The following ARID1B variants were observed in gnomAD, a reference collection of about 807,000 sequenced individuals.
ARID1B encodes the protein AT-rich interactive domain-containing protein 1B.
Under a neutral mutation model 212.3 loss-of-function variants are expected in ARID1B, and 30 were observed. That is an observed-to-expected ratio of 0.14 (90% confidence interval 0.11 to 0.19). The LOEUF (loss-of-function observed/expected upper bound fraction) is 0.19. ARID1B is among the 10% of genes least tolerant of loss of function. The probability of loss-of-function intolerance (pLI) is 1.00; values close to 1 mark genes in which losing one functional copy is unlikely to be tolerated. For missense variants in ARID1B, 2,891 were observed against 3,204.0 expected (o/e 0.90, Z 2.36); for synonymous variants, 1,402 against 1,301.7 (o/e 1.08, Z -1.66).
intron 4 of ARID1B, among the ~76,000 whole-genome samples, chr6:156,992,517 C>T (rs17087986): frequency 0.015 from 2,246 of 152,274 alleles, 58 homozygotes; most frequent in African/African-American, 0.048. Context: ...TGAGCATCTT[C>T]GTGAGTTTTC....
At chr6:156,919,454 T>C (rs1790609302) in intron 3 of ARID1B, among the ~76,000 whole-genome samples, 1 of 152,110 alleles carries the variant, frequency 6.6e-6, no homozygotes, top group African/African-American at 2.4e-5. Context: ...ATATTTTCAA[T>C]ACTAATTTTA....
intron 2 of ARID1B, among the ~76,000 whole-genome samples, chr6:156,889,508 C>T (rs1390184796): frequency 1.3e-5 from 2 of 152,310 alleles, no homozygotes; most frequent in Admixed American, 1.3e-4. Context: ...TGAATGCCTG[C>T]ATTTTATGAA....
intron 2 of ARID1B, among the ~76,000 whole-genome samples, chr6:156,838,803 AAG>A (rs1032922159): frequency 6.6e-6 from 1 of 152,058 alleles, no homozygotes; most frequent in African/African-American, 2.4e-5. Flanking sequence ...ATTGTTTCCA[AAG>A]AGAACTGGGA....
intron 4 of ARID1B, among the ~76,000 whole-genome samples, chr6:157,054,422 T>C (rs1010646460): frequency 1.3e-5 from 2 of 152,226 alleles, no homozygotes; most frequent in Non-Finnish European, 2.9e-5. Context: ...GAGTTATAGT[T>C]TTTTGAAATA....
rs555589313 is a variant in ARID1B at position 156,941,831 on chromosome 6, T to C, written c.2247+6255T>C. On this transcript the variant is annotated intron_variant, in intron 4 of 19. Transcript: ENST00000636930. ...GGCTAAATATAATGGAAAGTCTGAA[T>C]AAATTAATATTGAGAAAGAACTATA... 3 of 152,342 alleles carry C rather than the reference T, an allele frequency of 2.0e-5. No homozygotes were observed. The South Asian group carries it at 6.2e-4, about 32-fold the overall frequency. 9.4% of individuals were successfully genotyped at this position (152,342 alleles called of 1,614,324 possible).
At chr6:157,130,337 A>G (rs911368271) in intron 6 of ARID1B, among the ~76,000 whole-genome samples, 13 of 152,238 alleles carry the variant, frequency 8.5e-5, no homozygotes, top group Non-Finnish European at 1.9e-4. Context: ...GGAGACCCAC[A>G]TGATCTCTAT....
intron 1 of ARID1B, among the ~76,000 whole-genome samples, chr6:156,791,714 C>G (rs1780022094): frequency 6.6e-6 from 1 of 152,210 alleles, no homozygotes; most frequent in African/African-American, 2.4e-5. Context: ...GGCAGGCAAG[C>G]TTTCTACCTG....
intron 2 of ARID1B, among the ~76,000 whole-genome samples, chr6:156,863,641 T>C (rs553978467): frequency 3.3e-5 from 5 of 152,306 alleles, no homozygotes; most frequent in African/African-American, 1.2e-4. Flanking sequence ...ATCTCTATTT[T>C]ATAGATGGGG....
intron 2 of ARID1B, among the ~76,000 whole-genome samples, chr6:156,887,836 T>C (rs1787636665): frequency 1.3e-5 from 2 of 152,200 alleles, no homozygotes; most frequent in Admixed American, 6.5e-5. Context: ...TATGCATTTA[T>C]CATGCAAGTA....
At chr6:156,969,481 A>C (rs779419547) in intron 4 of ARID1B, among the ~76,000 whole-genome samples, 21 of 152,212 alleles carry the variant, frequency 1.4e-4, no homozygotes, top group Admixed American at 5.9e-4. Flanking sequence ...CACACAGCAG[A>C]ACTCACTGTT....
intron 2 of ARID1B, among the ~76,000 whole-genome samples, chr6:156,897,605 G>A (rs767377586): frequency 6.6e-6 from 1 of 151,148 alleles, no homozygotes; most frequent in Non-Finnish European, 1.5e-5. Flanking sequence ...AAATGGAAAT[G>A]TTCTGATCTG....
chr6:157,031,434 A>C (rs1272743747), intron 4 of ARID1B, among the ~76,000 whole-genome samples: 1 of 152,222 alleles, frequency 6.6e-6, no homozygotes, highest in Non-Finnish European at 1.5e-5. Flanking sequence ...AATTCTTGGT[A>C]ATACCCTTGC....
intron 18 of ARID1B, among the ~76,000 whole-genome samples, chr6:157,202,725 T>TTA (rs886464712): frequency 4.0e-4 from 59 of 148,852 alleles, no homozygotes; most frequent in South Asian, 1.3e-3. Flanking sequence ...CTATATCCCT[T>TTA]TATATATATA....
chr6:156,841,464 G>A (rs907190908), intron 2 of ARID1B, among the ~76,000 whole-genome samples: 7 of 152,108 alleles, frequency 4.6e-5, no homozygotes, highest in African/African-American at 1.7e-4. Flanking sequence ...GGAATCTAGT[G>A]CCTTCATGTA....
chr6:156,958,356 A>G (rs991285820), intron 4 of ARID1B, among the ~76,000 whole-genome samples: 2 of 152,246 alleles, frequency 1.3e-5, no homozygotes, highest in Admixed American at 1.3e-4. Flanking sequence ...ATTCTGTGGC[A>G]TACTGTACAC....
chr6:157,158,054 A>G (rs1187828198), intron 8 of ARID1B, among the ~76,000 whole-genome samples: 1 of 152,214 alleles, frequency 6.6e-6, no homozygotes, highest in East Asian at 1.9e-4. Context: ...CAAAAAATGC[A>G]CAGACAGAAA....
intron 7 of ARID1B, among the ~76,000 whole-genome samples, chr6:157,135,502 A>G (rs1045908429): frequency 2.6e-5 from 4 of 152,146 alleles, no homozygotes; most frequent in African/African-American, 7.2e-5. Context: ...TCCCAGCACC[A>G]TGCACCCTTT....
intron 4 of ARID1B, among the ~76,000 whole-genome samples, chr6:157,074,358 C>G (rs907402778): frequency 2.6e-5 from 4 of 152,114 alleles, no homozygotes; most frequent in African/African-American, 9.7e-5. Context: ...TCCTGAGTAG[C>G]TGGGATTACA....
intron 1 of ARID1B, among the ~76,000 whole-genome samples, chr6:156,816,465 G>A (rs1002435436): frequency 2.0e-5 from 3 of 152,148 alleles, no homozygotes; most frequent in Non-Finnish European, 2.9e-5. Flanking sequence ...AGGAAAATTA[G>A]GGTGAGGAAA....
Sources: allele counts gnomAD v4.1 joint callset (sites outside exome capture counted in the v4.1 genomes callset), GRCh38; gene constraint gnomAD v4.1.1; transcripts MANE v1.5; gene names NCBI Gene and HGNC (gene_info 2026-07-23, HGNC 2026-07-21).